NDNF: variants seen among roughly 807,000 people sequenced by gnomAD.
The protein encoded by NDNF is neuron derived neurotrophic factor, also known as protein NDNF.
In NDNF, 16 loss-of-function variants were observed where a neutral mutation model predicts 42.0. The ratio of observed to expected loss-of-function variants is 0.38; its 90% CI spans 0.26 to 0.58. The LOEUF is 0.58. NDNF is among the 20% of genes least tolerant of loss of function. The pLI is 0.67. For missense variants in NDNF, 616 were observed against 666.2 expected (o/e 0.92, Z 0.83); for synonymous variants, 248 against 251.7 (o/e 0.99, Z 0.14).
At chr4:121,051,137 C>G (rs1366051211) in intron 1 of NDNF, among the ~76,000 whole-genome samples, 1 of 152,046 alleles carries the variant, frequency 6.6e-6, no homozygotes, top group Non-Finnish European at 1.5e-5. Context: ...ATCTGCTGCC[C>G]ACTTTCTTGC....
At chr4:121,070,264 G>A (rs1727567584) in intron 1 of NDNF, among the ~76,000 whole-genome samples, 5 of 152,070 alleles carry the variant, frequency 3.3e-5, no homozygotes, top group Admixed American at 2.6e-4. Flanking sequence ...ACTACACTCT[G>A]CTTTATATAC....
chr4:121,036,347 G>T lies in NDNF; in HGVS notation c.1624C>A (p.Leu542Met), dbSNP rs776554502. ...TGTCCTATGACATAAACATCCAGCAGGTAAGATTTGCCAGGCTGAAGACCT... is the reference window on the plus strand; with the variant it reads ...TGTCCTATGACATAAACATCCAGCATGTAAGATTTGCCAGGCTGAAGACCT... ...IKGLQPGKSYLLDVYVIGHGG... is the reference protein window; with the variant it reads ...IKGLQPGKSYMLDVYVIGHGG... The change falls in exon 4 of 4, where the codon CTG (leucine) becomes ATG (methionine). Residue 542 changes from leucine to methionine, a missense_variant. Transcript: ENST00000379692. 8.1e-6 allele frequency: 13 copies of T among 1,614,006 alleles called. No homozygotes were observed. The highest frequency in any genetic ancestry group is 1.6e-4 in the Middle Eastern group (1 of 6,082).
At chr4:121,066,506 A>C (rs2148772959) in intron 1 of NDNF, among the ~76,000 whole-genome samples, 1 of 152,298 alleles carries the variant, frequency 6.6e-6, no homozygotes, top group South Asian at 2.1e-4. Context: ...TAGTATTTTC[A>C]AGTAAGTACC....
chr4:121,069,917 G>GA (rs1401435541), intron 1 of NDNF, among the ~76,000 whole-genome samples: 1 of 152,162 alleles, frequency 6.6e-6, no homozygotes, highest in African/African-American at 2.4e-5. Context: ...GGTTTAGATT[G>GA]AAAATGGGAA....
At chr4:121,063,967 A>T (rs1009828967) in intron 1 of NDNF, among the ~76,000 whole-genome samples, 1 of 152,230 alleles carries the variant, frequency 6.6e-6, no homozygotes, top group Non-Finnish European at 1.5e-5. Flanking sequence ...TAAGAAGTTA[A>T]CTATTACCAA....
chr4:121,037,655 C>G lies in NDNF; in HGVS notation c.316G>C (p.Asp106His). 1 of 1,569,704 alleles carries G rather than the reference C, an allele frequency of 6.4e-7. No individual in the cohort carries two copies. Among genetic ancestry groups the G allele is most frequent in the Non-Finnish European group, 8.6e-7 (1 of 1,164,046 alleles). ...PEDRSGEGSGDLEPLEQQKQQ... is the reference protein window; with the variant it reads ...PEDRSGEGSGHLEPLEQQKQQ... ...TTCTGCTGCTCAAGAGGTTCCAGATCACCTAGAAAATACAGGAGAAGCACA... is the reference window on the plus strand; with the variant it reads ...TTCTGCTGCTCAAGAGGTTCCAGATGACCTAGAAAATACAGGAGAAGCACA... The change falls in exon 4 of 4, where the codon GAT (aspartate) becomes CAT (histidine). Residue 106 changes from aspartate to histidine, a missense_variant and splice_region_variant. Asp to His is a moderately conservative substitution (Grantham distance 81). Coordinates refer to ENST00000379692, the MANE Select transcript of NDNF (RefSeq NM_024574.4).
chr4:121,043,314 T>C (rs1727034503), intron 2 of NDNF, among the ~76,000 whole-genome samples: 1 of 152,214 alleles, frequency 6.6e-6, no homozygotes, highest in Non-Finnish European at 1.5e-5. Context: ...TTTACTGCTG[T>C]GCAACTTTAT....
chr4:121,044,727 T>C (rs191012703), intron 2 of NDNF, among the ~76,000 whole-genome samples: 2 of 152,130 alleles, frequency 1.3e-5, no homozygotes, highest in Non-Finnish European at 2.9e-5. Flanking sequence ...CACTTTGGGA[T>C]GCTGAGGCAG....
At chr4:121,069,749 G>A (rs901951484) in intron 1 of NDNF, among the ~76,000 whole-genome samples, 1 of 152,174 alleles carries the variant, frequency 6.6e-6, no homozygotes, top group Non-Finnish European at 1.5e-5. Context: ...AAAGGAAGAA[G>A]TAAAGGAATT....
Position 121,039,971 on chromosome 4 carries a change from C to T in NDNF, c.272G>A (p.Ser91Asn). 3 of 1,614,110 alleles carry T rather than the reference C, an allele frequency of 1.9e-6. No individual in the cohort carries two copies. Among genetic ancestry groups the T allele is most frequent in the Non-Finnish European group, 2.5e-6 (3 of 1,179,978 alleles). ...PCDAPLEWKL[S>N]LQELPEDRSG... ...CCTGTCCTCTGGCAGCTCCTGGAGG[C>T]TCAGCTTCCACTCCAAAGGCGCATC... Residue 91 changes from serine (S) to asparagine (N), a missense_variant, in exon 3 of 4, where the codon AGC becomes AAC. Physicochemically the swap from Ser to Asn is conservative, Grantham distance 46. Coordinates refer to ENST00000379692, the MANE Select transcript of NDNF (RefSeq NM_024574.4).
At chr4:121,068,650 T>C (rs1361502749) in intron 1 of NDNF, among the ~76,000 whole-genome samples, 1 of 152,146 alleles carries the variant, frequency 6.6e-6, no homozygotes, top group African/African-American at 2.4e-5. Flanking sequence ...AAGGTTCAGC[T>C]GCTACTATAG....
intron 3 of NDNF, 30 bp from the exon 4 acceptor site, chr4:121,037,687 T>C (rs1311411916): frequency 1.3e-6 from 2 of 1,534,140 alleles, no homozygotes; most frequent in Non-Finnish European, 1.7e-6. Context: ...CACAGGCTAC[T>C]GTCAGGGCAT....
chr4:121,056,413 A>ATCT (rs1192683637), intron 1 of NDNF, among the ~76,000 whole-genome samples: 2 of 152,328 alleles, frequency 1.3e-5, no homozygotes, highest in East Asian at 3.9e-4. Flanking sequence ...CAGGTCAGCA[A>ATCT]TCTTTTCATA....
At chr4:121,040,924 T>A (rs1725241841) in intron 2 of NDNF, among the ~76,000 whole-genome samples, 2 of 152,146 alleles carry the variant, frequency 1.3e-5, no homozygotes, top group South Asian at 4.1e-4. Flanking sequence ...GGATTACAAG[T>A]GTGAGGCACC....
At chr4:121,039,318 C>A (rs1182848152) in intron 3 of NDNF, among the ~76,000 whole-genome samples, 1 of 148,842 alleles carries the variant, frequency 6.7e-6, no homozygotes, top group East Asian at 2.0e-4. Flanking sequence ...CCTTAAAGAG[C>A]TTTCAGGGTG....
chr4:121,044,265 C>T (rs1331253457), intron 2 of NDNF, among the ~76,000 whole-genome samples: 2 of 152,170 alleles, frequency 1.3e-5, no homozygotes, highest in Non-Finnish European at 2.9e-5. Context: ...TACTGTTAAT[C>T]AAAACTGAAA....
At chr4:121,057,766 A>C (rs1727323048) in intron 1 of NDNF, among the ~76,000 whole-genome samples, 1 of 152,194 alleles carries the variant, frequency 6.6e-6, no homozygotes, top group Non-Finnish European at 1.5e-5. Flanking sequence ...GACTTTCCGG[A>C]GTGAGATACC....
intron 1 of NDNF, among the ~76,000 whole-genome samples, chr4:121,065,679 G>T (rs972162103): frequency 2.0e-5 from 3 of 150,790 alleles, no homozygotes; most frequent in African/African-American, 4.9e-5. Context: ...AATACCAAAA[G>T]ATCTATTTAT....
At chr4:121,048,827 C>T (rs1727140429) in intron 1 of NDNF, among the ~76,000 whole-genome samples, 1 of 151,892 alleles carries the variant, frequency 6.6e-6, no homozygotes, top group African/African-American at 2.4e-5. Context: ...GACAGAGCCT[C>T]CGTCTCAAAA....
Sources: allele counts gnomAD v4.1 joint callset (sites outside exome capture counted in the v4.1 genomes callset), GRCh38; gene constraint gnomAD v4.1.1; transcripts MANE v1.5; gene names NCBI Gene and HGNC (gene_info 2026-07-23, HGNC 2026-07-21).